The following ZFP91 variants were observed in gnomAD, a reference collection of about 807,000 sequenced individuals.
The protein encoded by ZFP91 is E3 ubiquitin-protein ligase ZFP91.
A neutral mutation model predicts 63.5 loss-of-function variants in ZFP91; 7 were observed. That is an observed-to-expected ratio of 0.11 (90% confidence interval 0.06 to 0.21). The LOEUF (loss-of-function observed/expected upper bound fraction) is 0.21. Ranked by LOEUF, ZFP91 falls within the 10% of genes least tolerant of loss-of-function variation. The pLI is 1.00. For synonymous variants in ZFP91, 330 were observed against 272.1 expected (o/e 1.21, Z -2.10); for missense variants, 628 against 736.6 (o/e 0.85, Z 1.71).
chr11:58,618,279 T>C lies in ZFP91; in HGVS notation c.*573T>C, dbSNP rs11541682. The C allele has an allele frequency of 0.14, 23,941 of 165,882 alleles. 1,986 individuals are homozygous for C. Among genetic ancestry groups the C allele is most frequent in the Admixed American group, 0.18 (2,954 of 16,084 alleles). 10.3% of individuals were successfully genotyped at this position (165,882 alleles called of 1,614,324 possible). On this transcript the variant is annotated 3_prime_UTR_variant, in exon 11 of 11. Transcript: ENST00000316059. Reference sequence around the variant, plus strand: ...CATCTCTCATCCCCTCTTCCTTTATTCCCCCCTGGGTTTCAGAAAGGAAGG... The same window carrying C: ...CATCTCTCATCCCCTCTTCCTTTATCCCCCCCTGGGTTTCAGAAAGGAAGG...
intron 8 of ZFP91, among the ~76,000 whole-genome samples, chr11:58,613,511 C>T (rs1453694551): frequency 6.6e-6 from 1 of 152,050 alleles, no homozygotes. Flanking sequence ...GAATCTGAAC[C>T]CACATAGAGA....
chr11:58,610,237 C>T, intron 3 of ZFP91, 61 bp from the exon 4 acceptor site: 1 of 1,537,716 alleles, frequency 6.5e-7, no homozygotes, highest in Non-Finnish European at 8.8e-7. Flanking sequence ...TTCTTGACTG[C>T]AGAGAGAAAA....
At chr11:58,592,670 G>A (rs1034463070) in intron 2 of ZFP91, among the ~76,000 whole-genome samples, 1 of 152,130 alleles carries the variant, frequency 6.6e-6, no homozygotes, top group African/African-American at 2.4e-5. Flanking sequence ...TTAGGAGGTG[G>A]AATGAGAAAA....
chr11:58,603,422 C>T (rs553970242), intron 2 of ZFP91, among the ~76,000 whole-genome samples: 13 of 152,148 alleles, frequency 8.5e-5, no homozygotes, highest in Non-Finnish European at 1.6e-4. Context: ...ACTTGTGGAT[C>T]GAATCAGCCA....
In ZFP91 at chr11:58,619,856, GTCC is replaced by G. The variant is rs1855817433; in HGVS notation, c.*2156_*2158del. On this transcript the variant is annotated 3_prime_UTR_variant, in exon 11 of 11. Coordinates refer to ENST00000316059, the MANE Select transcript of ZFP91 (RefSeq NM_053023.5). ...GATTAGATGAATCTACAAAAAAGTT[GTCC>G]TCCTCTCAGGTCCCTTTTACACTTT... 1.3e-5 allele frequency: 2 copies of G among 152,246 alleles called. No homozygotes were observed. Among genetic ancestry groups the G allele is most frequent in the Non-Finnish European group, 2.9e-5 (2 of 68,028 alleles). The allele number at this position is 152,246 out of a possible 1,614,324, so 9.4% of individuals were successfully genotyped here.
At chr11:58,604,937 A>G (rs1042553784) in intron 2 of ZFP91, among the ~76,000 whole-genome samples, 6 of 152,184 alleles carry the variant, frequency 3.9e-5, no homozygotes, top group Non-Finnish European at 5.9e-5. Flanking sequence ...ATTCCACACT[A>G]TATGTATGTG....
intron 5 of ZFP91, 193 bp from the exon 6 acceptor site, chr11:58,611,411 A>G (rs1272088149): frequency 9.9e-6 from 7 of 704,316 alleles, no homozygotes; most frequent in Non-Finnish European, 1.6e-5. Context: ...GGGAGGGTTC[A>G]TTCCATGAGC....
rs1412305560 is a variant in ZFP91, at chr11:58,579,401, G to T, written c.120G>T (p.Ala40=). The change falls in exon 1 of 11, where the codon GCG becomes GCT. Residue 40 remains alanine, a synonymous_variant. Transcript: ENST00000316059. ...GGCCCCCTGAGGCGGTCGCGGCGGC[G>T]CCTGCAGGGACCACTAGCAGCCGCG... is the stretch of plus-strand genomic sequence containing the variant. The part of the protein sequence containing the change: ...QQRPPEAVAA[A]PAGTTSSRVL... 3.4e-6 allele frequency: 5 copies of T among 1,465,602 alleles called. No individual in the cohort carries two copies. The South Asian group carries it at 4.0e-5, about 12-fold the overall frequency. 90.8% of individuals were successfully genotyped at this position (1,465,602 alleles called of 1,614,324 possible).
chr11:58,596,270 G>T (rs1052091606), intron 2 of ZFP91, among the ~76,000 whole-genome samples: 8 of 152,222 alleles, frequency 5.3e-5, no homozygotes, highest in African/African-American at 1.4e-4. Flanking sequence ...GGAAGAAGAA[G>T]AATCGTTACT....
At chr11:58,593,726 A>G (rs1300674310) in intron 2 of ZFP91, among the ~76,000 whole-genome samples, 2 of 152,192 alleles carry the variant, frequency 1.3e-5, no homozygotes, top group African/African-American at 4.8e-5. Flanking sequence ...ACTCAGCAGT[A>G]ATCTCAGACT....
intron 1 of ZFP91, among the ~76,000 whole-genome samples, chr11:58,580,856 T>TA (rs1293159707): frequency 6.6e-6 from 1 of 152,230 alleles, no homozygotes; most frequent in Non-Finnish European, 1.5e-5. Context: ...AATCTGTACT[T>TA]ACAGATTCAG....
chr11:58,619,389 T>C lies in ZFP91; in HGVS notation c.*1683T>C, dbSNP rs1328783871. ...TTCAGGTAAAGAGTAATTCCTATCC[T>C]GTGTGCCTCAGAAGCTAGAATCGAA... is the stretch of plus-strand genomic sequence containing the variant. On this transcript the variant is annotated 3_prime_UTR_variant, in exon 11 of 11. Transcript: ENST00000316059. 1.3e-5 allele frequency: 2 copies of C among 152,230 alleles called. No homozygotes were observed. Among genetic ancestry groups the C allele is most frequent in the African/African-American group, 2.4e-5 (1 of 41,444 alleles). 9.4% of individuals were successfully genotyped at this position (152,230 alleles called of 1,614,324 possible). A position where few individuals can be genotyped will look rare whatever the true frequency, so the allele number is the denominator to read the frequency against.
intron 2 of ZFP91, among the ~76,000 whole-genome samples, chr11:58,599,976 T>C (rs977532953): frequency 6.6e-6 from 1 of 152,156 alleles, no homozygotes; most frequent in Non-Finnish European, 1.5e-5. Flanking sequence ...AGCCACCTTC[T>C]TAAAAATCAG....
chr11:58,599,166 GTTGTATGTATATATGACATT>G (rs1464325679), intron 2 of ZFP91, among the ~76,000 whole-genome samples: 1 of 149,238 alleles, frequency 6.7e-6, no homozygotes, highest in East Asian at 1.9e-4. Flanking sequence ...AAAAATTTTC[GTTGTATGTATATATGACATT>G]TTGTTTATCC....
At chr11:58,579,660 C>A in intron 1 of ZFP91, 38 bp downstream of exon 1, 1 of 1,501,894 alleles carries the variant, frequency 6.7e-7, no homozygotes, top group Non-Finnish European at 8.8e-7. Context: ...AAAGACCCCC[C>A]TCTGTCCGTA....
At chr11:58,586,889 A>G (rs1855219437) in intron 2 of ZFP91, among the ~76,000 whole-genome samples, 1 of 152,158 alleles carries the variant, frequency 6.6e-6, no homozygotes, top group Admixed American at 6.5e-5. Flanking sequence ...TATTTTTTAG[A>G]GGTAAGACTG....
intron 9 of ZFP91, among the ~76,000 whole-genome samples, chr11:58,615,486 T>G (rs1855734926): frequency 6.6e-6 from 1 of 152,238 alleles, no homozygotes; most frequent in South Asian, 2.1e-4. Flanking sequence ...GTTAATACAA[T>G]TTATGATGTT....
chr11:58,609,115 G>A (rs969418948), intron 2 of ZFP91, among the ~76,000 whole-genome samples: 11 of 151,854 alleles, frequency 7.2e-5, no homozygotes, highest in South Asian at 2.1e-4. Flanking sequence ...ATTTAGCTAC[G>A]CCAGGTATGA....
At chr11:58,614,726 A>G (rs1395861096) in intron 9 of ZFP91, among the ~76,000 whole-genome samples, 1 of 152,206 alleles carries the variant, frequency 6.6e-6, no homozygotes, top group Non-Finnish European at 1.5e-5. Flanking sequence ...TAACCTGCCC[A>G]TGGTCACATA....
Sources: allele counts gnomAD v4.1 joint callset (sites outside exome capture counted in the v4.1 genomes callset), GRCh38; gene constraint gnomAD v4.1.1; transcripts MANE v1.5; gene names NCBI Gene and HGNC (gene_info 2026-07-23, HGNC 2026-07-21).